The following SMIM35 variants were observed in gnomAD, a reference collection of about 807,000 sequenced individuals.
The protein encoded by SMIM35 is TMPRSS4 antisense RNA 1 (non-protein coding).
At chr11:118,063,304 TTTC>T (rs1944420450) in intron 1 of SMIM35, among the ~76,000 whole-genome samples, 1 of 152,234 alleles carries the variant, frequency 6.6e-6, no homozygotes, top group African/African-American at 2.4e-5. Context: ...TGGGGACCCC[TTTC>T]CTATAACACT....
chr11:118,061,552 G>A (rs1274981790), intron 1 of SMIM35, among the ~76,000 whole-genome samples: 4 of 151,896 alleles, frequency 2.6e-5, no homozygotes, highest in East Asian at 1.9e-4. Flanking sequence ...GACGAACACC[G>A]TCGGATCAAA....
chr11:118,029,313 A>G (rs2058299380), intron 1 of SMIM35, among the ~76,000 whole-genome samples: 1 of 152,200 alleles, frequency 6.6e-6, no homozygotes, highest in Non-Finnish European at 1.5e-5. Flanking sequence ...AAAAGTAGCT[A>G]GGCATGGTGG....
At chr11:118,032,791 C>A (rs1300524909) in intron 1 of SMIM35, among the ~76,000 whole-genome samples, 3 of 151,994 alleles carry the variant, frequency 2.0e-5, no homozygotes, top group African/African-American at 4.8e-5. Flanking sequence ...GCCTATAGTC[C>A]CACCTACTCA....
At chr11:118,052,727 G>A (rs1944237703) in intron 1 of SMIM35, among the ~76,000 whole-genome samples, 1 of 151,862 alleles carries the variant, frequency 6.6e-6, no homozygotes, top group African/African-American at 2.4e-5. Flanking sequence ...ATAGGCATTG[G>A]CTTATAATGT....
At chr11:118,010,113 T>G (rs1252591737) in intron 4 of SMIM35, among the ~76,000 whole-genome samples, 4 of 152,224 alleles carry the variant, frequency 2.6e-5, no homozygotes, top group Non-Finnish European at 4.4e-5. Flanking sequence ...TGCAGTACCA[T>G]GCAAGAAAAG....
intron 1 of SMIM35, among the ~76,000 whole-genome samples, chr11:118,044,206 G>A (rs1944053699): frequency 6.6e-6 from 1 of 150,982 alleles, no homozygotes; most frequent in Admixed American, 6.6e-5. Flanking sequence ...AAAAGCAGAG[G>A]TATCAAGATC....
chr11:118,007,162 T>G (rs749541380), intron 4 of SMIM35, among the ~76,000 whole-genome samples: 6 of 136,718 alleles, frequency 4.4e-5, no homozygotes, highest in Non-Finnish European at 9.3e-5. Flanking sequence ...GAGGGAGAAG[T>G]AGGTTCTTGG....
chr11:118,063,883 G>A (rs12278852), intron 1 of SMIM35, among the ~76,000 whole-genome samples: 40,291 of 152,164 alleles, frequency 0.26, 5,430 homozygotes, highest in South Asian at 0.31. Context: ...TGTATCATTC[G>A]TAATATCCTT....
At chr11:118,055,248 T>C (rs1025882428) in intron 1 of SMIM35, among the ~76,000 whole-genome samples, 2 of 152,162 alleles carry the variant, frequency 1.3e-5, no homozygotes, top group Admixed American at 6.5e-5. Flanking sequence ...CAAGGCCAGT[T>C]TGGCAGCCTC....
chr11:118,010,960 G>C (rs2058147106), intron 4 of SMIM35, among the ~76,000 whole-genome samples: 1 of 152,238 alleles, frequency 6.6e-6, no homozygotes. Flanking sequence ...CCAGGCATCT[G>C]CTCCCGAATC....
At chr11:118,084,028 A>G (rs957627513) in intron 1 of SMIM35, among the ~76,000 whole-genome samples, 2 of 152,032 alleles carry the variant, frequency 1.3e-5, no homozygotes, top group Non-Finnish European at 1.5e-5. Context: ...ACAGAGCGAG[A>G]CTCCATCTCA....
intron 1 of SMIM35, among the ~76,000 whole-genome samples, chr11:118,043,898 G>GTT (rs1297851230): frequency 2.0e-5 from 3 of 147,566 alleles, no homozygotes; most frequent in Non-Finnish European, 3.0e-5. Context: ...AAGGGTATGG[G>GTT]TTTTTTTTTT....
intron 1 of SMIM35, among the ~76,000 whole-genome samples, chr11:118,030,160 G>A (rs1446171926): frequency 5.9e-5 from 9 of 151,880 alleles, no homozygotes; most frequent in East Asian, 1.9e-4. Context: ...TCAGCCTCCC[G>A]AGTAGCTGGG....
At chr11:118,060,954 C>G (rs1944385624) in intron 1 of SMIM35, among the ~76,000 whole-genome samples, 1 of 152,250 alleles carries the variant, frequency 6.6e-6, no homozygotes, top group African/African-American at 2.4e-5. Flanking sequence ...CTGCCCCTCT[C>G]CAGCCCTGTG....
At chr11:118,069,320 G>C (rs375994734) in intron 1 of SMIM35, among the ~76,000 whole-genome samples, 7 of 152,308 alleles carry the variant, frequency 4.6e-5, no homozygotes, top group African/African-American at 1.7e-4. Flanking sequence ...TCGTCTTCAT[G>C]CCGGTAGACC....
rs2058113034 is a variant in SMIM35 at position 118,004,691 on chromosome 11, C to T, written c.*1719G>A. 6.6e-6 allele frequency: 1 copy of T among 152,142 alleles called. No individual in the cohort carries two copies. Among genetic ancestry groups the T allele is most frequent in the African/African-American group, 2.4e-5 (1 of 41,432 alleles). 9.4% of individuals were successfully genotyped at this position (152,142 alleles called of 1,614,324 possible). A position where few individuals can be genotyped will look rare whatever the true frequency, so the allele number is the denominator to read the frequency against. The stretch of plus-strand genomic sequence containing the variant: ...GATCCCCAAACCCCTGCAGCCAATA[C>T]AGTTAGAATATTCACGCGATGACTT... On this transcript the variant is annotated 3_prime_UTR_variant, in exon 5 of 5. Transcript: ENST00000689828.
chr11:118,022,591 G>C (rs2058239863), intron 1 of SMIM35, among the ~76,000 whole-genome samples: 1 of 152,152 alleles, frequency 6.6e-6, no homozygotes, highest in Admixed American at 6.5e-5. Context: ...TAGCAAAAAT[G>C]TAAGTTGAGG....
intron 1 of SMIM35, among the ~76,000 whole-genome samples, chr11:118,058,386 G>A (rs1480558773): frequency 6.6e-6 from 1 of 152,166 alleles, no homozygotes; most frequent in African/African-American, 2.4e-5. Context: ...GTGTGGGGAA[G>A]GGGCTAGAGC....
At chr11:118,020,530 A>G (rs1188268588) in intron 1 of SMIM35, among the ~76,000 whole-genome samples, 1 of 152,176 alleles carries the variant, frequency 6.6e-6, no homozygotes, top group Non-Finnish European at 1.5e-5. Flanking sequence ...AAATGTTTTC[A>G]TTTATTTTGG....
Sources: allele counts gnomAD v4.1 joint callset (sites outside exome capture counted in the v4.1 genomes callset), GRCh38; gene constraint gnomAD v4.1.1; transcripts MANE v1.5; gene names NCBI Gene and HGNC (gene_info 2026-07-23, HGNC 2026-07-21).